Variants in KIRREL3 observed in about 807,000 individuals in gnomAD.
KIRREL3 encodes kirre like nephrin family adhesion molecule 3, also known as kin of IRRE-like protein 3.
In KIRREL3, 36 loss-of-function variants were observed where a neutral mutation model predicts 89.7. That is an observed-to-expected ratio of 0.40 (90% CI 0.31 to 0.53). The LOEUF is 0.53. KIRREL3 is among the 20% of genes least tolerant of loss of function. The probability of loss-of-function intolerance (pLI) is 0.49; values close to 1 mark genes in which losing one functional copy is unlikely to be tolerated. For synonymous variants in KIRREL3, 445 were observed against 441.4 expected (o/e 1.01, Z -0.10); for missense variants, 864 against 1,056.6 (o/e 0.82, Z 2.53).
rs1399208965 is a variant in KIRREL3, at chr11:126,530,467, T to G, written c.134-3780A>C. 6.6e-6 allele frequency among the ~76,000 whole-genome samples: 1 copy of G among 152,192 alleles called. No homozygotes were observed. Among genetic ancestry groups the G allele is most frequent in the Non-Finnish European group, 1.5e-5 (1 of 68,036 alleles). On this transcript the variant is annotated intron_variant, in intron 2 of 16. Coordinates refer to ENST00000525144, the MANE Select transcript of KIRREL3 (RefSeq NM_032531.4). This position sits in a 1 kb window ranked among gnomAD's most constrained non-coding sequence, Gnocchi z 5.8. The stretch of plus-strand genomic sequence containing the variant: ...GAGCCCAAGGTCATTTTCTGCAGCC[T>G]CCTGGATAGTGCCTTAAGTAGACAG...
chr11:126,641,773 A>T lies in KIRREL3; in HGVS notation c.56-78861T>A, dbSNP rs945534122. 6.6e-6 allele frequency among the ~76,000 whole-genome samples: 1 copy of T among 152,146 alleles called. No individual in the cohort carries two copies. The highest frequency in any genetic ancestry group is 1.5e-5 in the Non-Finnish European group (1 of 68,030). ...TATTATGCTATGTAAATACACCATT[A>T]TATATGAATTTATAGCATATGTGAG... is the stretch of plus-strand genomic sequence containing the variant. On this transcript the variant is annotated intron_variant, in intron 1 of 16. Transcript: ENST00000525144. This position sits in a 1 kb window ranked among gnomAD's most constrained non-coding sequence, Gnocchi z 5.0.
Position 126,563,460 on chromosome 11 carries a change from A to G in KIRREL3, c.56-548T>C, listed in dbSNP as rs1940279517. Among the ~76,000 whole-genome samples the G allele has an allele frequency of 6.6e-6, 1 of 152,192 alleles. No individual in the cohort carries two copies. The highest frequency in any genetic ancestry group is 2.4e-5 in the African/African-American group (1 of 41,448). The stretch of plus-strand genomic sequence containing the variant: ...AGCGGGGCGACACAGAGGTTAAGGT[A>G]TAGGCAGAAGAGCTCTCTCTACCTT... On this transcript the variant is annotated intron_variant, in intron 1 of 16. Coordinates refer to ENST00000525144, the MANE Select transcript of KIRREL3 (RefSeq NM_032531.4). The surrounding 1 kb of genome is among the most constrained non-coding windows in gnomAD (Gnocchi z 6.8).
At chr11:126,447,417 G>A (rs1439833147) in intron 8 of KIRREL3, among the ~76,000 whole-genome samples, 2 of 152,186 alleles carry the variant, frequency 1.3e-5, no homozygotes, top group Non-Finnish European at 2.9e-5. Context: ...TGGGATGGGG[G>A]CTCTGAGATG....
rs1430299108 is a variant in KIRREL3 at position 126,576,797 on chromosome 11, G to A, written c.56-13885C>T. Among the ~76,000 whole-genome samples, 1 of 152,232 alleles carries A rather than the reference G, an allele frequency of 6.6e-6. No individual in the cohort carries two copies. The highest frequency in any genetic ancestry group is 2.4e-5 in the African/African-American group (1 of 41,462). On this transcript the variant is annotated intron_variant, in intron 1 of 16. Transcript: ENST00000525144. This position sits in a 1 kb window ranked among gnomAD's most constrained non-coding sequence, Gnocchi z 5.4. The stretch of plus-strand genomic sequence containing the variant: ...CTTTTTAATCAGCTGAGGAGCAAGG[G>A]ATTCCTGAGCCACAAATGAGGCTCT...
chr11:126,518,827 G>A (rs1220692450), intron 4 of KIRREL3, among the ~76,000 whole-genome samples: 3 of 152,256 alleles, frequency 2.0e-5, no homozygotes, highest in African/African-American at 7.2e-5. Context: ...TATACCCCAG[G>A]ACACTCAGCC....
chr11:126,673,709 T>C (rs563348567), intron 1 of KIRREL3, among the ~76,000 whole-genome samples: 144 of 152,182 alleles, frequency 9.5e-4, no homozygotes, highest in Non-Finnish European at 1.5e-3. Flanking sequence ...GTGTGGGGAA[T>C]AGTCTCCTAA....
At chr11:126,621,805 A>G (rs1301055111) in intron 1 of KIRREL3, among the ~76,000 whole-genome samples, 1 of 152,190 alleles carries the variant, frequency 6.6e-6, no homozygotes, top group Non-Finnish European at 1.5e-5. Context: ...TTATTATATT[A>G]CCTTATATTT....
chr11:126,966,359 G>A (rs989157605), intron 1 of KIRREL3, among the ~76,000 whole-genome samples: 3 of 152,158 alleles, frequency 2.0e-5, no homozygotes, highest in East Asian at 1.9e-4. Context: ...AGCAGCATGC[G>A]TCTCCTGGGG....
chr11:126,785,714 A>G (rs1950466530), intron 1 of KIRREL3, among the ~76,000 whole-genome samples: 1 of 151,978 alleles, frequency 6.6e-6, no homozygotes, highest in African/African-American at 2.4e-5. Context: ...TCTCTACTGA[A>G]ATACAAAAAT....
intron 11 of KIRREL3, among the ~76,000 whole-genome samples, chr11:126,438,366 G>C (rs150855649): frequency 6.6e-6 from 1 of 152,322 alleles, no homozygotes; most frequent in African/African-American, 2.4e-5. Flanking sequence ...ATCCTGGTTC[G>C]GGGCTGATGA....
Position 126,704,000 on chromosome 11 carries a change from C to T in KIRREL3, c.56-141088G>A, listed in dbSNP as rs1475987900. ...GAACTCACTCTCTGGAATCACTGCG[C>T]CCATCTTTTCAGAGATGTTGCTACC... On this transcript the variant is annotated intron_variant, in intron 1 of 16. Coordinates refer to ENST00000525144, the MANE Select transcript of KIRREL3 (RefSeq NM_032531.4). This position sits in a 1 kb window ranked among gnomAD's most constrained non-coding sequence, Gnocchi z 4.6. Among the ~76,000 whole-genome samples, 1 of 152,186 alleles carries T rather than the reference C, an allele frequency of 6.6e-6. No individual in the cohort carries two copies. The highest frequency in any genetic ancestry group is 1.5e-5 in the Non-Finnish European group (1 of 68,032).
In KIRREL3 at chr11:126,459,707, C is replaced by T. The variant is rs899865440; in HGVS notation, c.743-3253G>A. Reference sequence around the variant, plus strand: ...ACAGCTGAGAGTCTGTTAGTGTTTCCATCCGCCCGTGTGTGCGTGTGTCCA... The same window carrying T: ...ACAGCTGAGAGTCTGTTAGTGTTTCTATCCGCCCGTGTGTGCGTGTGTCCA... On this transcript the variant is annotated intron_variant, in intron 6 of 16. Transcript: ENST00000525144. The surrounding 1 kb of genome is among the most constrained non-coding windows in gnomAD (Gnocchi z 4.8). Among the ~76,000 whole-genome samples, 17 of 152,150 alleles carry T rather than the reference C, an allele frequency of 1.1e-4. No individual in the cohort carries two copies. Among genetic ancestry groups the T allele is most frequent in the African/African-American group, 4.1e-4 (17 of 41,430 alleles).
At chr11:126,665,759 C>G (rs921554502) in intron 1 of KIRREL3, among the ~76,000 whole-genome samples, 7 of 152,218 alleles carry the variant, frequency 4.6e-5, no homozygotes, top group Non-Finnish European at 8.8e-5. Flanking sequence ...GCACATGCTT[C>G]AGCCCCAGTG....
At position 126,867,179 on chromosome 11, in the gene KIRREL3, T is replaced by TC. The variant is rs890186516; in HGVS notation, c.55+133275dup. Among the ~76,000 whole-genome samples, 13 of 151,798 alleles carry TC rather than the reference T, an allele frequency of 8.6e-5. No individual in the cohort carries two copies. The highest frequency in any genetic ancestry group is 3.1e-4 in the African/African-American group (13 of 41,400). On this transcript the variant is annotated intron_variant, in intron 1 of 16. Transcript: ENST00000525144. The surrounding 1 kb of genome is among the most constrained non-coding windows in gnomAD (Gnocchi z 4.7). The stretch of plus-strand genomic sequence containing the variant: ...CCCCACAATCTGCCTGTCTGCCTGC[T>TC]CCCCCCAGGGGTTTGAGCAGCGGGG...
chr11:126,504,419 C>G (rs1438959264), intron 4 of KIRREL3, among the ~76,000 whole-genome samples: 1 of 152,180 alleles, frequency 6.6e-6, no homozygotes, highest in East Asian at 1.9e-4. Context: ...AGAAATTTGG[C>G]TCTAAGATCC....
rs1005096410 is a variant in KIRREL3, at chr11:126,668,945, G to T, written c.56-106033C>A. Among the ~76,000 whole-genome samples the T allele has an allele frequency of 1.3e-5, 2 of 151,888 alleles. No homozygotes were observed. The highest frequency in any genetic ancestry group is 4.8e-5 in the African/African-American group (2 of 41,322). On this transcript the variant is annotated intron_variant, in intron 1 of 16. Transcript: ENST00000525144. The surrounding 1 kb of genome is among the most constrained non-coding windows in gnomAD (Gnocchi z 4.4). ...CTTTCCTGCCTATGTTGGGGTGCTG[G>T]GTACTGACAGTAAGAGTGTCCAGGA... is the stretch of plus-strand genomic sequence containing the variant.
At chr11:126,770,638 A>G (rs1949991328) in intron 1 of KIRREL3, among the ~76,000 whole-genome samples, 2 of 152,028 alleles carry the variant, frequency 1.3e-5, no homozygotes, top group African/African-American at 4.8e-5. Context: ...CCACTCAGAC[A>G]CTCTGCACAG....
rs1364881411 is a variant in KIRREL3, at chr11:126,495,553, A to G, written c.434-22087T>C. Among the ~76,000 whole-genome samples the G allele has an allele frequency of 6.6e-6, 1 of 152,104 alleles. No individual in the cohort carries two copies. The highest frequency in any genetic ancestry group is 1.5e-5 in the Non-Finnish European group (1 of 68,020). Reference sequence around the variant, plus strand: ...GGAATGAGGGCCTGAGTTATTGTTTATACCTGGCCTTCCTCCTCCGGGTCT... The same window carrying G: ...GGAATGAGGGCCTGAGTTATTGTTTGTACCTGGCCTTCCTCCTCCGGGTCT... On this transcript the variant is annotated intron_variant, in intron 4 of 16. Transcript: ENST00000525144. This position sits in a 1 kb window ranked among gnomAD's most constrained non-coding sequence, Gnocchi z 6.5.
intron 4 of KIRREL3, among the ~76,000 whole-genome samples, chr11:126,512,211 C>A (rs1241256069): frequency 2.0e-5 from 3 of 152,242 alleles, no homozygotes; most frequent in Non-Finnish European, 2.9e-5. Context: ...AAGAATGTGT[C>A]CATTTCCTAA....
Sources: gnomAD v4.1 joint callset for allele counts (sites outside exome capture counted in the v4.1 genomes callset) on GRCh38, gnomAD v4.1.1 for gene constraint, Gnocchi (gnomAD v3.1) non-coding constraint, MANE v1.5 for transcripts, NCBI Gene and HGNC (gene_info 2026-07-23, HGNC 2026-07-21) for gene names.